The following TNFRSF11A variants were observed in gnomAD, a reference collection of about 807,000 sequenced individuals.
TNFRSF11A encodes TNF receptor superfamily member 11a.
Under a neutral mutation model 55.7 loss-of-function variants are expected in TNFRSF11A, and 32 were observed. The observed-to-expected ratio is 0.57, with a 90% confidence interval of 0.43 to 0.77. The LOEUF (loss-of-function observed/expected upper bound fraction) is 0.77. Ranked by LOEUF, TNFRSF11A falls within the 30% of genes least tolerant of loss-of-function variation. TNFRSF11A has a pLI of 0.00. For synonymous variants in TNFRSF11A, 311 were observed against 331.0 expected (o/e 0.94, Z 0.65); for missense variants, 753 against 809.8 (o/e 0.93, Z 0.85).
intron 6 of TNFRSF11A, among the ~76,000 whole-genome samples, chr18:62,360,469 T>C (rs9955770): frequency 0.86 from 129,806 of 151,210 alleles, 55,823 homozygotes; most frequent in Middle Eastern, 0.88. Context: ...CTTTTTGAGA[T>C]AGAGTGTCAC....
intron 1 of TNFRSF11A, among the ~76,000 whole-genome samples, chr18:62,327,477 T>C (rs1457050669): frequency 6.6e-6 from 1 of 152,222 alleles, no homozygotes; most frequent in East Asian, 1.9e-4. Context: ...AAATGCATTT[T>C]CTCTCAAAGG....
intron 9 of TNFRSF11A, among the ~76,000 whole-genome samples, chr18:62,384,070 C>T (rs1350397790): frequency 6.6e-6 from 1 of 152,044 alleles, no homozygotes; most frequent in African/African-American, 2.4e-5. Flanking sequence ...CACACACACA[C>T]ACACACACAA....
intron 3 of TNFRSF11A, among the ~76,000 whole-genome samples, chr18:62,353,185 C>T (rs1334354226): frequency 2.0e-5 from 3 of 152,164 alleles, no homozygotes; most frequent in African/African-American, 7.2e-5. Context: ...TGCAAGCCTC[C>T]AGTCACACTG....
intron 9 of TNFRSF11A, among the ~76,000 whole-genome samples, chr18:62,371,668 G>C (rs529196442): frequency 6.6e-5 from 10 of 152,352 alleles, no homozygotes; most frequent in African/African-American, 2.2e-4. Flanking sequence ...CCTGAGGAGA[G>C]GCAGCAGCCA....
chr18:62,348,086 T>C, intron 1 of TNFRSF11A, 82 bp from the exon 2 acceptor site: 1 of 1,059,596 alleles, frequency 9.4e-7, no homozygotes, highest in Non-Finnish European at 1.4e-6. Context: ...AAAAGTAATT[T>C]GGTGATTCCC....
chr18:62,380,049 C>T (rs1911159046), intron 9 of TNFRSF11A, among the ~76,000 whole-genome samples: 1 of 152,210 alleles, frequency 6.6e-6, no homozygotes, highest in African/African-American at 2.4e-5. Context: ...ACATAACTGA[C>T]ATAGCCCAGT....
intron 1 of TNFRSF11A, among the ~76,000 whole-genome samples, chr18:62,340,850 G>T (rs749598046): frequency 6.6e-6 from 1 of 152,198 alleles, no homozygotes. Flanking sequence ...GGTGTGCCAC[G>T]TGATCCAGCA....
At chr18:62,331,509 T>C (rs951957215) in intron 1 of TNFRSF11A, among the ~76,000 whole-genome samples, 2 of 152,242 alleles carry the variant, frequency 1.3e-5, no homozygotes, top group East Asian at 1.9e-4. Flanking sequence ...GGCATTGTGC[T>C]GTGCAGGGAA....
Position 62,385,036 on chromosome 18 carries a change from C to G in TNFRSF11A, c.*2C>G. The G allele has an allele frequency of 6.8e-7, 1 of 1,473,688 alleles. No individual in the cohort carries two copies. Among genetic ancestry groups the G allele is most frequent in the South Asian group, 1.3e-5 (1 of 75,696 alleles). The allele number at this position is 1,473,688 out of a possible 1,614,324, so 91.3% of individuals were successfully genotyped here. A position where few individuals can be genotyped will look rare whatever the true frequency, so the allele number is the denominator to read the frequency against. On this transcript the variant is annotated 3_prime_UTR_variant, in exon 10 of 10. Transcript: ENST00000586569. Reference sequence around the variant, plus strand: ...GAGCAAGGCGGGGCCAAGGCTTGAGCGCCCCCCATGGCTGGGAGCCCGAAG... The same window carrying G: ...GAGCAAGGCGGGGCCAAGGCTTGAGGGCCCCCCATGGCTGGGAGCCCGAAG...
intron 3 of TNFRSF11A, among the ~76,000 whole-genome samples, chr18:62,350,616 G>C (rs1600378674): frequency 2.0e-5 from 3 of 152,086 alleles, no homozygotes; most frequent in South Asian, 4.2e-4. Flanking sequence ...ATTGAGAAAC[G>C]GAGATTCAGA....
chr18:62,350,985 A>G (rs1600379161), intron 3 of TNFRSF11A, among the ~76,000 whole-genome samples: 1 of 139,828 alleles, frequency 7.2e-6, no homozygotes. Context: ...TCTGTCCCTT[A>G]TATTTCTTTT....
chr18:62,382,687 G>T (rs900346888), intron 9 of TNFRSF11A, among the ~76,000 whole-genome samples: 3 of 151,932 alleles, frequency 2.0e-5, no homozygotes, highest in African/African-American at 7.3e-5. Context: ...CTTCTGTGCC[G>T]CCATTTTGAA....
chr18:62,362,647 G>A (rs1250681562), intron 7 of TNFRSF11A, among the ~76,000 whole-genome samples: 8 of 151,960 alleles, frequency 5.3e-5, no homozygotes, highest in Admixed American at 6.6e-5. Flanking sequence ...TAAACATCAC[G>A]TCATGTTTAA....
chr18:62,368,619 A>T, intron 8 of TNFRSF11A, 82 bp from the exon 9 acceptor site: 3 of 1,418,522 alleles, frequency 2.1e-6, no homozygotes, highest in South Asian at 2.4e-5. Flanking sequence ...CAGTGTAAAC[A>T]CTGTTTTCAG....
At chr18:62,341,187 G>T (rs917458839) in intron 1 of TNFRSF11A, among the ~76,000 whole-genome samples, 1 of 152,156 alleles carries the variant, frequency 6.6e-6, no homozygotes, top group Admixed American at 6.5e-5. Context: ...AGTGTGGCTC[G>T]TGGAACTGAC....
chr18:62,326,269 T>TCCGCAG (rs1409383386), intron 1 of TNFRSF11A, among the ~76,000 whole-genome samples: 1 of 152,044 alleles, frequency 6.6e-6, no homozygotes, highest in Non-Finnish European at 1.5e-5. Context: ...CTGCCGTCCC[T>TCCGCAG]CCGCAGCCGG....
At chr18:62,380,813 T>A (rs1911231265) in intron 9 of TNFRSF11A, among the ~76,000 whole-genome samples, 1 of 150,976 alleles carries the variant, frequency 6.6e-6, no homozygotes, top group Non-Finnish European at 1.5e-5. Context: ...TTCTTTTTTT[T>A]TTTTTTTGAG....
chr18:62,355,258 AT>A (rs1306947129), intron 4 of TNFRSF11A, among the ~76,000 whole-genome samples: 1 of 151,980 alleles, frequency 6.6e-6, no homozygotes, highest in Non-Finnish European at 1.5e-5. Flanking sequence ...ATATGCACCT[AT>A]TTGAAATCTT....
At chr18:62,371,205 GCGAGAAAGCTGA>G (rs1391094648) in intron 9 of TNFRSF11A, among the ~76,000 whole-genome samples, 1 of 152,182 alleles carries the variant, frequency 6.6e-6, no homozygotes, top group East Asian at 1.9e-4. Context: ...GCTGTGGGGA[GCGAGAAAGCTGA>G]CGTTCTGTCT....
Sources: gnomAD v4.1 joint callset for allele counts (sites outside exome capture counted in the v4.1 genomes callset) on GRCh38, gnomAD v4.1.1 for gene constraint, MANE v1.5 for transcripts, NCBI Gene and HGNC (gene_info 2026-07-23, HGNC 2026-07-21) for gene names.